The following CTNND2 variants were observed in gnomAD, a reference collection of about 807,000 sequenced individuals.
The protein encoded by CTNND2 is catenin delta 2, also known as catenin delta-2.
In CTNND2, 22 loss-of-function variants were observed where a neutral mutation model predicts 144.4. The ratio of observed to expected loss-of-function variants is 0.15; its 90% CI spans 0.11 to 0.22. The LOEUF is 0.22. Among genes scored for constraint, CTNND2 ranks in the 10% least tolerant of loss-of-function variants. The probability of loss-of-function intolerance (pLI) is 1.00; values close to 1 mark genes in which losing one functional copy is unlikely to be tolerated. For synonymous variants in CTNND2, 751 were observed against 695.6 expected, an observed-to-expected ratio of 1.08 and a Z score of -1.25; for missense variants, 1,353 against 1,618.8, an observed-to-expected ratio of 0.84 and a Z score of 2.82.
chr5:11,865,483 C>T (rs947321441), intron 1 of CTNND2, among the ~76,000 whole-genome samples: 2 of 152,092 alleles, frequency 1.3e-5, no homozygotes, highest in East Asian at 1.9e-4. Context: ...CAACCTCTTT[C>T]GGTGTCAATT....
At chr5:11,885,962 A>G (rs2127085472) in intron 1 of CTNND2, among the ~76,000 whole-genome samples, 1 of 152,330 alleles carries the variant, frequency 6.6e-6, no homozygotes, top group East Asian at 1.9e-4. Flanking sequence ...AAAATTTTAA[A>G]ATTTATTGAA....
At chr5:11,649,371 G>A (rs1201856264) in intron 2 of CTNND2, among the ~76,000 whole-genome samples, 1 of 152,108 alleles carries the variant, frequency 6.6e-6, no homozygotes, top group African/African-American at 2.4e-5. Flanking sequence ...AGGCTGGAGT[G>A]CAGTGGTGTT....
chr5:11,702,467 A>G (rs1785491011), intron 2 of CTNND2, among the ~76,000 whole-genome samples: 1 of 152,186 alleles, frequency 6.6e-6, no homozygotes, highest in Non-Finnish European at 1.5e-5. Context: ...TGCCAAAAAG[A>G]TGCCCCATGT....
intron 1 of CTNND2, among the ~76,000 whole-genome samples, chr5:11,886,582 T>C (rs1736547781): frequency 6.6e-6 from 1 of 152,024 alleles, no homozygotes; most frequent in South Asian, 2.1e-4. Flanking sequence ...ATACTTAGAC[T>C]GAAAAAAAAA....
chr5:11,519,462 T>C (rs1269226100), intron 3 of CTNND2, among the ~76,000 whole-genome samples: 1 of 151,758 alleles, frequency 6.6e-6, no homozygotes, highest in Non-Finnish European at 1.5e-5. Flanking sequence ...TCCCAGCCAC[T>C]GTGACTTAAA....
chr5:11,494,282 T>C (rs1052835053), intron 3 of CTNND2, among the ~76,000 whole-genome samples: 1 of 152,152 alleles, frequency 6.6e-6, no homozygotes, highest in Non-Finnish European at 1.5e-5. Flanking sequence ...TAATCAAACA[T>C]GATGGACCTT....
intron 1 of CTNND2, among the ~76,000 whole-genome samples, chr5:11,774,677 T>C (rs546973893): frequency 6.6e-6 from 1 of 152,288 alleles, no homozygotes; most frequent in East Asian, 1.9e-4. Flanking sequence ...ATCTCAGTCT[T>C]GATTTAAGAA....
At chr5:11,635,463 G>T (rs565805231) in intron 2 of CTNND2, among the ~76,000 whole-genome samples, 2 of 152,250 alleles carry the variant, frequency 1.3e-5, no homozygotes, top group African/African-American at 4.8e-5. Flanking sequence ...GAGCAGATAA[G>T]ACTCGAATGG....
rs61757504 is a variant in CTNND2, at chr5:11,499,164, G to C, written c.287+65780C>G. On this transcript the variant is annotated intron_variant, in intron 3 of 21. Transcript: ENST00000304623. The stretch of plus-strand genomic sequence containing the variant: ...GGGAATAAACACCTTTGAAAATCTA[G>C]TAAAGCCTATGAACTACCTGGCCAG... 2.8e-4 allele frequency among the ~76,000 whole-genome samples: 42 copies of C among 152,232 alleles called. No individual in the cohort carries two copies. In the East Asian group the frequency reaches 7.9e-3, roughly 29 times the overall value.
intron 3 of CTNND2, among the ~76,000 whole-genome samples, chr5:11,549,309 C>G (rs921920399): frequency 3.9e-5 from 6 of 152,110 alleles, no homozygotes; most frequent in Non-Finnish European, 4.4e-5. Flanking sequence ...CATTGTGTAA[C>G]ACATGGTACC....
intron 10 of CTNND2, among the ~76,000 whole-genome samples, chr5:11,233,013 A>C (rs1741211702): frequency 6.6e-6 from 1 of 152,134 alleles, no homozygotes; most frequent in Admixed American, 6.5e-5. Flanking sequence ...CTTTTGTAGA[A>C]GGTACCTGAA....
At chr5:11,410,927 A>G (rs928862785) in intron 5 of CTNND2, among the ~76,000 whole-genome samples, 3 of 151,298 alleles carry the variant, frequency 2.0e-5, no homozygotes, top group Non-Finnish European at 4.4e-5. Flanking sequence ...GATGGAGTAC[A>G]GTGGCGCAAT....
At chr5:11,710,455 G>A (rs953381860) in intron 2 of CTNND2, among the ~76,000 whole-genome samples, 1 of 151,300 alleles carries the variant, frequency 6.6e-6, no homozygotes, top group Non-Finnish European at 1.5e-5. Flanking sequence ...CAGGAGAGTT[G>A]CTTGAAACCA....
intron 1 of CTNND2, among the ~76,000 whole-genome samples, chr5:11,804,470 GA>G (rs1490730140): frequency 6.6e-6 from 1 of 152,076 alleles, no homozygotes; most frequent in Non-Finnish European, 1.5e-5. Context: ...TTCAAAAGAT[GA>G]ATGGATAAAT....
intron 9 of CTNND2, among the ~76,000 whole-genome samples, chr5:11,258,554 T>C (rs1335798075): frequency 6.6e-6 from 1 of 152,220 alleles, no homozygotes; most frequent in Non-Finnish European, 1.5e-5. Context: ...CCTTATTAGA[T>C]TAAAATGATC....
intron 12 of CTNND2, among the ~76,000 whole-genome samples, chr5:11,134,259 C>T (rs62339082): frequency 6.6e-6 from 1 of 151,980 alleles, no homozygotes; most frequent in Non-Finnish European, 1.5e-5. Context: ...CTGGCTGACA[C>T]CCCACAAGGA....
At chr5:11,218,542 G>C (rs150395617) in intron 10 of CTNND2, among the ~76,000 whole-genome samples, 125 of 152,064 alleles carry the variant, frequency 8.2e-4, no homozygotes, top group African/African-American at 2.8e-3. Flanking sequence ...GGCAAATTGA[G>C]ATTGGCTTTT....
At chr5:10,981,905 A>T in intron 20 of CTNND2, 59 bp from the exon 21 acceptor site, 1 of 1,442,978 alleles carries the variant, frequency 6.9e-7, no homozygotes, top group South Asian at 1.2e-5. Context: ...AATAAGGAAT[A>T]GTTGTTATTG....
intron 9 of CTNND2, among the ~76,000 whole-genome samples, chr5:11,334,684 C>A (rs1450778388): frequency 2.0e-5 from 3 of 152,174 alleles, no homozygotes; most frequent in Non-Finnish European, 4.4e-5. Context: ...ACCCTAGGGT[C>A]TCACTGTAGC....
Sources: gnomAD v4.1 joint callset for allele counts (sites outside exome capture counted in the v4.1 genomes callset) on GRCh38, gnomAD v4.1.1 for gene constraint, MANE v1.5 for transcripts, NCBI Gene and HGNC (gene_info 2026-07-23, HGNC 2026-07-21) for gene names.